The following MIR2052HG variants were observed in gnomAD, a reference collection of about 807,000 sequenced individuals.
MIR2052HG encodes the protein MIR2052 host gene.
At chr8:74,652,241 C>T (rs943275317) in intron 2 of MIR2052HG, among the ~76,000 whole-genome samples, 1 of 152,166 alleles carries the variant, frequency 6.6e-6, no homozygotes, top group African/African-American at 2.4e-5. Context: ...GAGCACACTG[C>T]CTTTTGCACT....
intron 4 of MIR2052HG, among the ~76,000 whole-genome samples, chr8:74,713,574 C>T (rs180797862): frequency 4.6e-5 from 7 of 151,984 alleles, no homozygotes; most frequent in Non-Finnish European, 8.8e-5. Flanking sequence ...CTCTCATCTC[C>T]TACTGATGCC....
intron 2 of MIR2052HG, among the ~76,000 whole-genome samples, chr8:74,687,383 A>C (rs1809193229): frequency 1.3e-5 from 2 of 152,180 alleles, no homozygotes; most frequent in South Asian, 4.1e-4. Flanking sequence ...TCTCAGAGAG[A>C]CATTTGCACA....
In MIR2052HG at chr8:74,681,131, C is replaced by T. The variant is rs540934131; in HGVS notation, n.217-21248C>T. 1.9e-3 allele frequency among the ~76,000 whole-genome samples: 290 copies of T among 150,496 alleles called. No individual in the cohort carries two copies. The Middle Eastern group carries it at 0.021, about 11-fold the overall frequency. On this transcript the variant is annotated intron_variant and non_coding_transcript_variant, in intron 2 of 6. Coordinates refer to ENST00000523442, the Ensembl canonical transcript of MIR2052HG. ...TAATACTAGATGACGAGTTAGTGGG[C>T]GCAGCGCACCAGCATGGCACATGTA...
intron 2 of MIR2052HG, among the ~76,000 whole-genome samples, chr8:74,663,103 G>A (rs898513820): frequency 4.1e-4 from 62 of 151,858 alleles, no homozygotes; most frequent in Admixed American, 9.2e-4. Context: ...ATAAAATCCC[G>A]AAGTCCATTA....
In MIR2052HG at chr8:74,625,504, A is replaced by T. The variant is rs567583691; in HGVS notation, n.216+12564A>T. 4.6e-5 allele frequency among the ~76,000 whole-genome samples: 7 copies of T among 152,358 alleles called. No individual in the cohort carries two copies. The South Asian group carries it at 1.4e-3, about 32-fold the overall frequency. ...AACTAAAATGTAAAATTTTAAATGTAGATTTTACCAAAATGTAGATTTTGA... is the reference window on the plus strand; with the variant it reads ...AACTAAAATGTAAAATTTTAAATGTTGATTTTACCAAAATGTAGATTTTGA... On this transcript the variant is annotated intron_variant and non_coding_transcript_variant, in intron 2 of 6. Coordinates refer to ENST00000523442, the Ensembl canonical transcript of MIR2052HG.
At chr8:74,751,552 ACT>A (rs377347388) in intron 4 of MIR2052HG, among the ~76,000 whole-genome samples, 1,567 of 152,254 alleles carry the variant, frequency 0.01, 26 homozygotes, top group African/African-American at 0.033. Context: ...TAGGGATCTA[ACT>A]CTGTCTTTCC....
At chr8:74,750,794 C>T (rs1261394731) in intron 4 of MIR2052HG, among the ~76,000 whole-genome samples, 1 of 152,092 alleles carries the variant, frequency 6.6e-6, no homozygotes, top group Non-Finnish European at 1.5e-5. Flanking sequence ...GTCGATAATA[C>T]ATTTGTTATT....
At chr8:74,669,201 C>T (rs1808964315) in intron 2 of MIR2052HG, among the ~76,000 whole-genome samples, 1 of 152,166 alleles carries the variant, frequency 6.6e-6, no homozygotes, top group South Asian at 2.1e-4. Flanking sequence ...CTACACTGCT[C>T]GATGAATATC....
intron 1 of MIR2052HG, among the ~76,000 whole-genome samples, chr8:74,604,977 C>T (rs1808091005): frequency 6.6e-6 from 1 of 151,834 alleles, no homozygotes. Context: ...CAATAACTGT[C>T]CCTTAGGGTC....
chr8:74,722,338 A>G (rs1809586618), intron 4 of MIR2052HG, among the ~76,000 whole-genome samples: 1 of 152,214 alleles, frequency 6.6e-6, no homozygotes, highest in Non-Finnish European at 1.5e-5. Flanking sequence ...ACATATTATA[A>G]TAGGTTCTAT....
intron 2 of MIR2052HG, among the ~76,000 whole-genome samples, chr8:74,677,400 A>G (rs1031493438): frequency 6.6e-6 from 1 of 152,106 alleles, no homozygotes; most frequent in Non-Finnish European, 1.5e-5. Flanking sequence ...CATAAAGAAT[A>G]TCTAAAAAAA....
chr8:74,735,139 AG>A (rs1353101414), intron 4 of MIR2052HG, among the ~76,000 whole-genome samples: 1 of 152,214 alleles, frequency 6.6e-6, no homozygotes, highest in Admixed American at 6.5e-5. Flanking sequence ...GAACAAACAC[AG>A]GTTGTTGTGA....
At chr8:74,716,581 G>C (rs745422146) in intron 4 of MIR2052HG, among the ~76,000 whole-genome samples, 1 of 151,968 alleles carries the variant, frequency 6.6e-6, no homozygotes, top group Non-Finnish European at 1.5e-5. Flanking sequence ...GTGGTGGTGC[G>C]CACCTGTAAT....
intron 2 of MIR2052HG, among the ~76,000 whole-genome samples, chr8:74,691,399 G>A (rs1044069132): frequency 6.6e-6 from 1 of 152,168 alleles, no homozygotes; most frequent in Non-Finnish European, 1.5e-5. Flanking sequence ...TCTTGAGCTA[G>A]GAAGACCTTT....
intron 4 of MIR2052HG, among the ~76,000 whole-genome samples, chr8:74,707,110 T>C (rs1484752760): frequency 6.6e-6 from 1 of 152,136 alleles, no homozygotes; most frequent in Non-Finnish European, 1.5e-5. Flanking sequence ...ACAGTCAGTG[T>C]TTGAATCAGA....
At chr8:74,623,501 A>C (rs943497735) in intron 2 of MIR2052HG, among the ~76,000 whole-genome samples, 1 of 152,246 alleles carries the variant, frequency 6.6e-6, no homozygotes, top group African/African-American at 2.4e-5. Flanking sequence ...TCAGAACTTA[A>C]AGATCATGAT....
intron 2 of MIR2052HG, among the ~76,000 whole-genome samples, chr8:74,666,919 G>A (rs1354697477): frequency 6.6e-6 from 1 of 152,102 alleles, no homozygotes; most frequent in Non-Finnish European, 1.5e-5. Flanking sequence ...TTGGAGTTTG[G>A]CATCCTCTGG....
intron 2 of MIR2052HG, among the ~76,000 whole-genome samples, chr8:74,660,395 C>G (rs979239233): frequency 2.0e-5 from 3 of 152,182 alleles, no homozygotes; most frequent in African/African-American, 7.2e-5. Context: ...ACTAGACTAT[C>G]TGGTGCAATC....
chr8:74,742,439 A>G (rs995519128), intron 4 of MIR2052HG, among the ~76,000 whole-genome samples: 11 of 152,298 alleles, frequency 7.2e-5, no homozygotes, highest in African/African-American at 2.6e-4. Context: ...TTTTGTTCAT[A>G]TTTAAAAATA....
Sources: allele counts gnomAD v4.1 joint callset (sites outside exome capture counted in the v4.1 genomes callset), GRCh38; gene constraint gnomAD v4.1.1; transcripts MANE v1.5; gene names NCBI Gene and HGNC (gene_info 2026-07-23, HGNC 2026-07-21).